PTPRN2: variants seen among roughly 807,000 people sequenced by gnomAD.
The protein encoded by PTPRN2 is protein tyrosine phosphatase receptor type N2, also known as receptor-type tyrosine-protein phosphatase N2.
Under a neutral mutation model 118.8 loss-of-function variants are expected in PTPRN2, and 74 were observed. The observed-to-expected ratio is 0.62, with a 90% confidence interval of 0.52 to 0.76. PTPRN2 has a LOEUF of 0.76. PTPRN2 is among the 30% of genes least tolerant of loss of function. The pLI, the probability that PTPRN2 is intolerant of heterozygous loss-of-function variation, is 0.00. For synonymous variants in PTPRN2, 641 were observed against 608.0 expected, an observed-to-expected ratio of 1.05 and a Z score of -0.80; for missense variants, 1,481 against 1,394.4, an observed-to-expected ratio of 1.06 and a Z score of -0.99.
rs1800958756 is a variant in PTPRN2 at position 157,953,387 on chromosome 7, G to T, written c.1724-54650C>A. Among the ~76,000 whole-genome samples the T allele has an allele frequency of 6.6e-6, 1 of 152,112 alleles. No individual in the cohort carries two copies. The highest frequency in any genetic ancestry group is 2.4e-5 in the African/African-American group (1 of 41,410). On this transcript the variant is annotated intron_variant, in intron 11 of 22. Transcript: ENST00000389418. This position sits in a 1 kb window ranked among gnomAD's most constrained non-coding sequence, Gnocchi z 4.6. The stretch of plus-strand genomic sequence containing the variant: ...GCACAGTGGGAACTCAGGAGCAGGG[G>T]CTGGCGGCACTCCCCGGGCACAGAG...
chr7:158,364,357 C>A (rs112101793), intron 2 of PTPRN2, among the ~76,000 whole-genome samples: 6 of 128,626 alleles, frequency 4.7e-5, no homozygotes, highest in African/African-American at 1.2e-4. Flanking sequence ...CATGCTTCCC[C>A]CAGCAGGGTA....
chr7:158,260,197 G>T (rs1177692471), intron 3 of PTPRN2, among the ~76,000 whole-genome samples: 3 of 152,206 alleles, frequency 2.0e-5, no homozygotes, highest in African/African-American at 7.2e-5. Flanking sequence ...CAGTCACCAG[G>T]CTGCCTAAAA....
intron 2 of PTPRN2, among the ~76,000 whole-genome samples, chr7:158,383,505 C>T (rs1267869979): frequency 1.3e-5 from 2 of 152,156 alleles, no homozygotes; most frequent in East Asian, 3.8e-4. Flanking sequence ...CCATGGAATG[C>T]CCTTTCAATT....
intron 22 of PTPRN2, among the ~76,000 whole-genome samples, chr7:157,541,569 T>C (rs1232926328): frequency 6.6e-6 from 1 of 152,240 alleles, no homozygotes; most frequent in East Asian, 1.9e-4. Context: ...TCATTTCCTC[T>C]TGCTCTTCAG....
intron 12 of PTPRN2, among the ~76,000 whole-genome samples, chr7:157,835,746 T>C (rs1243792433): frequency 1.3e-5 from 2 of 152,210 alleles, no homozygotes; most frequent in East Asian, 3.8e-4. Context: ...GGTCCTAGTT[T>C]ATCCCTCACT....
At chr7:157,812,211 G>A (rs931634675) in intron 12 of PTPRN2, among the ~76,000 whole-genome samples, 7 of 152,184 alleles carry the variant, frequency 4.6e-5, no homozygotes, top group South Asian at 2.1e-4. Flanking sequence ...TGTGAGGTCC[G>A]CTCATTAGAT....
At chr7:158,035,931 A>G (rs1022389750) in intron 11 of PTPRN2, among the ~76,000 whole-genome samples, 1 of 152,228 alleles carries the variant, frequency 6.6e-6, no homozygotes, top group Non-Finnish European at 1.5e-5. Flanking sequence ...CAAAATTTAA[A>G]AGAAAACGCA....
intron 17 of PTPRN2, among the ~76,000 whole-genome samples, chr7:157,579,628 C>T (rs1297020119): frequency 1.3e-5 from 2 of 152,238 alleles, no homozygotes; most frequent in Admixed American, 6.5e-5. Flanking sequence ...GGGACCCGGA[C>T]GGCCTGGAAG....
intron 12 of PTPRN2, among the ~76,000 whole-genome samples, chr7:157,803,180 G>C (rs1805424737): frequency 6.6e-6 from 1 of 152,110 alleles, no homozygotes; most frequent in Non-Finnish European, 1.5e-5. Context: ...AGCCAGGCTG[G>C]TCTCGAACTC....
chr7:158,546,643 G>A lies in PTPRN2; in HGVS notation c.112+40915C>T, dbSNP rs117927365. 3.0e-3 allele frequency among the ~76,000 whole-genome samples: 463 copies of A among 152,296 alleles called. No individual in the cohort carries two copies. The highest frequency in any genetic ancestry group is 0.01 in the Middle Eastern group (3 of 294). On this transcript the variant is annotated intron_variant, in intron 1 of 22. Transcript: ENST00000389418. This position sits in a 1 kb window ranked among gnomAD's most constrained non-coding sequence, Gnocchi z 5.0. Reference sequence around the variant, plus strand: ...CCACGGGACAGACGCCACCTCTCCCGAGTAGCAGGTGGGTGACTACAGAGG... The same window carrying A: ...CCACGGGACAGACGCCACCTCTCCCAAGTAGCAGGTGGGTGACTACAGAGG...
At chr7:158,005,632 G>T (rs967077493) in intron 11 of PTPRN2, among the ~76,000 whole-genome samples, 1 of 152,212 alleles carries the variant, frequency 6.6e-6, no homozygotes, top group Non-Finnish European at 1.5e-5. Context: ...AAGATGGGGT[G>T]CAGGGGGAGG....
At chr7:157,757,472 G>A (rs185847034) in intron 12 of PTPRN2, among the ~76,000 whole-genome samples, 88 of 152,138 alleles carry the variant, frequency 5.8e-4, no homozygotes, top group Non-Finnish European at 1.2e-3. Flanking sequence ...CCCGGCAGGC[G>A]CGGGCAGGGC....
rs1394578186 is a variant in PTPRN2 at position 157,613,150 on chromosome 7, C to A, written c.2344+8212G>T. On this transcript the variant is annotated intron_variant, in intron 15 of 22. Transcript: ENST00000389418. The stretch of plus-strand genomic sequence containing the variant: ...CTCCAGTCCCGCCTCCCGCCTCAGC[C>A]GCAGAACCTCGGTGGTTCCTTCAGC... 2.0e-5 allele frequency among the ~76,000 whole-genome samples: 3 copies of A among 152,196 alleles called. No individual in the cohort carries two copies. In the East Asian group the frequency reaches 5.8e-4, roughly 29 times the overall value.
chr7:158,171,119 CATATATACACAT>C (rs1823545203), intron 5 of PTPRN2, among the ~76,000 whole-genome samples: 1 of 120,358 alleles, frequency 8.3e-6, no homozygotes, highest in Non-Finnish European at 1.7e-5. Context: ...TATATACACA[CATATATACACAT>C]ATATACACAC....
intron 12 of PTPRN2, among the ~76,000 whole-genome samples, chr7:157,796,258 C>A (rs1804861778): frequency 6.6e-6 from 1 of 152,214 alleles, no homozygotes; most frequent in Non-Finnish European, 1.5e-5. Context: ...CTTTTCTTTC[C>A]CGGTGAACTT....
chr7:157,734,385 A>G (rs1334597445), intron 12 of PTPRN2, among the ~76,000 whole-genome samples: 1 of 152,250 alleles, frequency 6.6e-6, no homozygotes, highest in Admixed American at 6.5e-5. Context: ...CAGGGTAGGT[A>G]CTGTCAATGT....
At chr7:157,840,104 C>T (rs1040891426) in intron 12 of PTPRN2, among the ~76,000 whole-genome samples, 14 of 138,136 alleles carry the variant, frequency 1.0e-4, no homozygotes, top group South Asian at 2.5e-4. Context: ...ACTGTGTGAC[C>T]GCGTGACTGT....
intron 12 of PTPRN2, among the ~76,000 whole-genome samples, chr7:157,683,456 C>T (rs1289656984): frequency 6.6e-6 from 1 of 152,198 alleles, no homozygotes; most frequent in Non-Finnish European, 1.5e-5. Flanking sequence ...ACAGAACATT[C>T]TCCCTCCCAG....
chr7:158,326,036 G>T (rs1281270380), intron 2 of PTPRN2, among the ~76,000 whole-genome samples: 1 of 152,190 alleles, frequency 6.6e-6, no homozygotes, highest in East Asian at 1.9e-4. Flanking sequence ...CAGCAACGTT[G>T]CAGGGCTCAG....
Sources: allele counts gnomAD v4.1 joint callset (sites outside exome capture counted in the v4.1 genomes callset), GRCh38; gene constraint gnomAD v4.1.1; non-coding constraint Gnocchi (gnomAD v3.1); transcripts MANE v1.5; gene names NCBI Gene and HGNC (gene_info 2026-07-23, HGNC 2026-07-21).